PREX2: variants seen among roughly 807,000 people sequenced by gnomAD.
PREX2 encodes phosphatidylinositol-3,4,5-trisphosphate dependent Rac exchange factor 2.
A neutral mutation model predicts 203.2 loss-of-function variants in PREX2; 107 were observed. That is an observed-to-expected ratio of 0.53 (90% CI 0.45 to 0.62). The LOEUF (loss-of-function observed/expected upper bound fraction) is 0.62. Among genes scored for constraint, PREX2 ranks in the 20% least tolerant of loss-of-function variants. PREX2 has a pLI of 0.00. For synonymous variants in PREX2, 672 were observed against 663.6 expected, an observed-to-expected ratio of 1.01 and a Z score of -0.19; for missense variants, 1,777 against 1,955.9, an observed-to-expected ratio of 0.91 and a Z score of 1.72.
At chr8:68,016,657 G>T (rs960539124) in intron 1 of PREX2, among the ~76,000 whole-genome samples, 5 of 152,064 alleles carry the variant, frequency 3.3e-5, no homozygotes, top group African/African-American at 1.2e-4. Context: ...CTGTCACCCA[G>T]ACTGGAGTAT....
In PREX2 at chr8:68,019,684, T is replaced by C; in HGVS notation, c.336+13T>C. On this transcript the variant is annotated intron_variant, in intron 3 of 39. Transcript: ENST00000288368. ...CTTTCTTCACTTTGTAGGATAAATT[T>C]CTTTTTATTTTAAAAGTTCTTTTCC... 6.3e-7 allele frequency: 1 copy of C among 1,594,704 alleles called. No homozygotes were observed. Among genetic ancestry groups the C allele is most frequent in the Non-Finnish European group, 8.5e-7 (1 of 1,174,796 alleles).
chr8:68,150,254 T>C (rs1324906530), intron 34 of PREX2, among the ~76,000 whole-genome samples: 1 of 152,142 alleles, frequency 6.6e-6, no homozygotes, highest in Non-Finnish European at 1.5e-5. Flanking sequence ...TGGGCCTCCT[T>C]TCTGGATGGG....
Position 68,108,261 on chromosome 8 carries a change from T to G in PREX2, c.2868T>G (p.Ser956Arg). 6.2e-7 allele frequency: 1 copy of G among 1,613,614 alleles called. No homozygotes were observed. Among genetic ancestry groups the G allele is most frequent in the Non-Finnish European group, 8.5e-7 (1 of 1,179,780 alleles). ...CCAAAACATCAACCTCTTTGGGAAG[T>G]GCATTTGGTGTTCAGTTGGATAGCA... ...SYPKTSTSLG[S>R]AFGVQLDSRK... Residue 956 changes from serine to arginine, a missense_variant, in exon 24 of 40, where the codon AGT (serine) becomes AGG (arginine). Ser to Arg is a moderately radical substitution (Grantham distance 110). Coordinates refer to ENST00000288368, the MANE Select transcript of PREX2 (RefSeq NM_024870.4).
chr8:68,009,980 A>C (rs1035022397), intron 1 of PREX2, among the ~76,000 whole-genome samples: 1 of 152,210 alleles, frequency 6.6e-6, no homozygotes, highest in African/African-American at 2.4e-5. Flanking sequence ...CATTGAAATT[A>C]AAGCTGTGGT....
intron 1 of PREX2, among the ~76,000 whole-genome samples, chr8:67,967,851 T>C (rs1390276379): frequency 6.6e-6 from 1 of 152,240 alleles, no homozygotes; most frequent in Non-Finnish European, 1.5e-5. Context: ...AAACACCACA[T>C]GTTCTCACTC....
At chr8:68,174,363 C>T (rs1477876883) in intron 35 of PREX2, among the ~76,000 whole-genome samples, 1 of 152,082 alleles carries the variant, frequency 6.6e-6, no homozygotes, top group Non-Finnish European at 1.5e-5. Flanking sequence ...TTAAATGCTG[C>T]CCTACCTCCC....
At position 68,062,106 on chromosome 8, in the gene PREX2, G is replaced by A. The variant is rs967137878; in HGVS notation, c.1339+1327G>A. 2.6e-5 allele frequency among the ~76,000 whole-genome samples: 4 copies of A among 152,132 alleles called. No individual in the cohort carries two copies. The East Asian group carries it at 7.7e-4, about 29-fold the overall frequency. ...ACGTGATGGTACCACCATCCACCCA[G>A]CTAGGAATCATCTTTAATTCCTTTC... On this transcript the variant is annotated intron_variant, in intron 11 of 39. Coordinates refer to ENST00000288368, the MANE Select transcript of PREX2 (RefSeq NM_024870.4).
chr8:68,071,022 A>T (rs576799620), intron 13 of PREX2, among the ~76,000 whole-genome samples: 1 of 152,348 alleles, frequency 6.6e-6, no homozygotes, highest in African/African-American at 2.4e-5. Flanking sequence ...ACTTAATAGC[A>T]ATTGGGTACT....
In PREX2 at chr8:68,235,007, A is replaced by C. The variant is rs981517909; in HGVS notation, c.*3629A>C. The stretch of plus-strand genomic sequence containing the variant: ...TAATTTAACAAAACACACTATTTTC[A>C]GTCCTTTGGGCTTGTACATTTTATA... On this transcript the variant is annotated 3_prime_UTR_variant, in exon 40 of 40. Transcript: ENST00000288368. The C allele has an allele frequency of 9.9e-5, 15 of 152,248 alleles. No individual in the cohort carries two copies. Among genetic ancestry groups the C allele is most frequent in the African/African-American group, 3.6e-4 (15 of 41,566 alleles). 9.4% of individuals were successfully genotyped at this position (152,248 alleles called of 1,614,324 possible).
Position 68,121,310 on chromosome 8 carries a change from C to T in PREX2, c.3724+261C>T, listed in dbSNP as rs975958706. ...CTCAAAGTTATGAAGACAAATAGAA[C>T]GTGAAGAGAATTTAAGACTCTATAA... is the stretch of plus-strand genomic sequence containing the variant. On this transcript the variant is annotated intron_variant, in intron 30 of 39. Transcript: ENST00000288368. 7.9e-5 allele frequency among the ~76,000 whole-genome samples: 12 copies of T among 151,492 alleles called. No individual in the cohort carries two copies. The East Asian group carries it at 9.8e-4, about 12-fold the overall frequency.
At chr8:68,194,467 TG>T (rs567512347) in intron 37 of PREX2, among the ~76,000 whole-genome samples, 73 of 151,930 alleles carry the variant, frequency 4.8e-4, no homozygotes, top group African/African-American at 1.7e-3. Context: ...AGATTTGTGA[TG>T]GGGGATTTCA....
chr8:68,076,667 A>T (rs1809357937), intron 14 of PREX2, among the ~76,000 whole-genome samples: 1 of 146,060 alleles, frequency 6.8e-6, no homozygotes, highest in Admixed American at 7.1e-5. Context: ...CTTGAACTGT[A>T]ACAATACAAC....
At chr8:68,047,485 A>G (rs945280460) in intron 8 of PREX2, among the ~76,000 whole-genome samples, 9 of 102,134 alleles carry the variant, frequency 8.8e-5, no homozygotes, top group African/African-American at 2.6e-4. Context: ...ATATATATAT[A>G]TATATATATA....
At chr8:68,068,433 C>A (rs1278444183) in intron 11 of PREX2, among the ~76,000 whole-genome samples, 1 of 151,950 alleles carries the variant, frequency 6.6e-6, no homozygotes, top group East Asian at 1.9e-4. Flanking sequence ...AAAAGCAATT[C>A]TTAATGTAAG....
intron 21 of PREX2, among the ~76,000 whole-genome samples, chr8:68,096,518 G>A (rs1810078125): frequency 6.6e-6 from 1 of 152,116 alleles, no homozygotes; most frequent in South Asian, 2.1e-4. Context: ...TTTTCTCAAT[G>A]AGCCCTCTCT....
chr8:67,978,018 A>G (rs1487210979), intron 1 of PREX2, among the ~76,000 whole-genome samples: 1 of 152,040 alleles, frequency 6.6e-6, no homozygotes, highest in Non-Finnish European at 1.5e-5. Context: ...GGTGAGGGGA[A>G]CCCCGGTTTT....
At chr8:68,202,318 C>T (rs1403913331) in intron 37 of PREX2, among the ~76,000 whole-genome samples, 1 of 152,046 alleles carries the variant, frequency 6.6e-6, no homozygotes, top group Admixed American at 6.5e-5. Context: ...CAAGTGAGAG[C>T]GAAGCAGCGC....
chr8:68,123,207 A>T (rs996202159), intron 30 of PREX2, among the ~76,000 whole-genome samples: 1 of 152,104 alleles, frequency 6.6e-6, no homozygotes. Context: ...AAGGTAAAGC[A>T]TACCAGACTC....
Position 68,119,488 on chromosome 8 carries a change from A to G in PREX2, c.3478A>G (p.Ser1160Gly), listed in dbSNP as rs1321308919. The change falls in exon 28 of 40, where the codon AGT becomes GGT. Residue 1160 changes from serine to glycine, a missense_variant. Transcript: ENST00000288368. ...TCATGATAAACAGGACAAGATACAT[A>G]GTTGCCTTGAGCATCTTTTCAGCCA... is the stretch of plus-strand genomic sequence containing the variant. ...ISHDKQDKIH[S>G]CLEHLFSQVD... is the part of the protein sequence containing the mutation. 6.2e-7 allele frequency: 1 copy of G among 1,613,730 alleles called. No homozygotes were observed. The highest frequency in any genetic ancestry group is 8.5e-7 in the Non-Finnish European group (1 of 1,179,682).
Sources: allele counts gnomAD v4.1 joint callset (sites outside exome capture counted in the v4.1 genomes callset), GRCh38; gene constraint gnomAD v4.1.1; transcripts MANE v1.5; gene names NCBI Gene and HGNC (gene_info 2026-07-23, HGNC 2026-07-21).